The following PHRF1 variants were observed in gnomAD, a reference collection of about 807,000 sequenced individuals.
The protein encoded by PHRF1 is PHD and ring finger domains 1.
Under a neutral mutation model 128.9 loss-of-function variants are expected in PHRF1, and 53 were observed. The ratio of observed to expected loss-of-function variants is 0.41; its 90% CI spans 0.33 to 0.52. PHRF1 has a LOEUF of 0.52. PHRF1 is among the 20% of genes least tolerant of loss of function. The pLI is 0.21. For synonymous variants in PHRF1, 1,178 were observed against 980.6 expected, an observed-to-expected ratio of 1.20 and a Z score of -3.76; for missense variants, 2,503 against 2,284.5, an observed-to-expected ratio of 1.10 and a Z score of -1.95.
chr11:584,907 T>G (rs1854437537), intron 3 of PHRF1, among the ~76,000 whole-genome samples: 1 of 151,968 alleles, frequency 6.6e-6, no homozygotes, highest in Non-Finnish European at 1.5e-5. Context: ...CTGGGTAATT[T>G]TTGTATTGTT....
At chr11:591,035 A>T (rs1010603442) in intron 4 of PHRF1, among the ~76,000 whole-genome samples, 4 of 152,214 alleles carry the variant, frequency 2.6e-5, no homozygotes, top group Admixed American at 2.0e-4. Context: ...TTACTAGTGA[A>T]TGTCCAACAA....
chr11:610,919 C>T (rs934465895), intron 16 of PHRF1, 35 bp from the exon 17 acceptor site: 1 of 1,606,692 alleles, frequency 6.2e-7, no homozygotes, highest in Non-Finnish European at 8.5e-7. Context: ...CTCCCGGCTC[C>T]CTTCCTGGCC....
chr11:605,016 A>T, intron 10 of PHRF1, 103 bp from the exon 11 acceptor site: 1 of 1,188,264 alleles, frequency 8.4e-7, no homozygotes, highest in Non-Finnish European at 1.2e-6. Flanking sequence ...TTCCGGCTCT[A>T]GTGTTCACTG....
chr11:610,922 T>C (rs373232131), intron 16 of PHRF1, 32 bp from the exon 17 acceptor site: 1 of 1,608,356 alleles, frequency 6.2e-7, no homozygotes, highest in Admixed American at 1.7e-5. Flanking sequence ...CCGGCTCCCT[T>C]CCTGGCCGCA....
chr11:608,650 C>T lies in PHRF1; in HGVS notation c.3194C>T (p.Ala1065Val), dbSNP rs1271438633. 9.3e-6 allele frequency: 15 copies of T among 1,612,374 alleles called. No individual in the cohort carries two copies. Among genetic ancestry groups the T allele is most frequent in the Non-Finnish European group, 1.3e-5 (15 of 1,179,800 alleles). Residue 1065 changes from alanine to valine, a missense_variant, in exon 14 of 18, where the codon GCT (alanine) becomes GTT (valine). Physicochemically the swap from Ala to Val is moderately conservative, Grantham distance 64. Transcript: ENST00000264555. The part of the protein sequence containing the change: ...SSDRSSSRER[A>V]KRKKAKDKSR... ...GACCGCTCCAGCAGCCGAGAGCGAG[C>T]TAAGAGGAAGAAAGCCAAGGACAAG...
At chr11:594,140 C>T (rs1427368038) in intron 6 of PHRF1, among the ~76,000 whole-genome samples, 1 of 152,222 alleles carries the variant, frequency 6.6e-6, no homozygotes, top group Non-Finnish European at 1.5e-5. Context: ...GGTGGCTCAG[C>T]ACTCCATGCC....
chr11:580,097 C>A (rs1459891555), intron 1 of PHRF1, among the ~76,000 whole-genome samples: 1 of 152,176 alleles, frequency 6.6e-6, no homozygotes, highest in Admixed American at 6.5e-5. Flanking sequence ...TTCCTCTGAT[C>A]ATGGATGGAG....
chr11:582,804 G>A (rs192947568), intron 3 of PHRF1, among the ~76,000 whole-genome samples: 14 of 151,938 alleles, frequency 9.2e-5, no homozygotes, highest in Admixed American at 2.0e-4. Context: ...GATTACAGGC[G>A]TGAGCCACCG....
At chr11:596,241 G>T (rs368164827) in intron 6 of PHRF1, among the ~76,000 whole-genome samples, 1 of 152,162 alleles carries the variant, frequency 6.6e-6, no homozygotes, top group African/African-American at 2.4e-5. Flanking sequence ...ATAGACTCCC[G>T]AGCCTCGGCT....
Position 611,773 on chromosome 11 carries a change from G to A in PHRF1, c.4946G>A (p.Gly1649Asp), listed in dbSNP as rs1856421251. 2.5e-6 allele frequency: 4 copies of A among 1,601,324 alleles called. No homozygotes were observed. The South Asian group carries it at 4.4e-5, about 18-fold the overall frequency. Residue 1649 changes from glycine (G) to aspartate (D), a missense_variant, in exon 18 of 18, where the codon GGC becomes GAC. By Grantham distance (94) the Gly-to-Asp change is moderately conservative (BLOSUM62 -1). Transcript: ENST00000264555. The part of the protein sequence containing the change: ...GEEPPTQGAE[G>D] ...GAGCCGCCCACGCAGGGGGCCGAGG[G>A]CTGAGGCCAGGCAATCACGGGCTAT...
rs1454788619 is a variant in PHRF1, at chr11:597,470, C to A, written c.794C>A (p.Pro265His). The A allele has an allele frequency of 6.2e-7, 1 of 1,612,776 alleles. No homozygotes were observed. The highest frequency in any genetic ancestry group is 2.2e-5 in the East Asian group (1 of 44,860). Residue 265 changes from proline (P) to histidine (H), a missense_variant, in exon 8 of 18, where the codon CCT (proline) becomes CAT (histidine). Transcript: ENST00000264555. This position sits in a 1 kb window ranked among gnomAD's most constrained non-coding sequence, Gnocchi z 6.5. Reference sequence around the variant, plus strand: ...GTGCCCACCACCAGCAGGCTTCGGCCTCGAGCAGGTAGGACCCGGGCGATA... The same window carrying A: ...GTGCCCACCACCAGCAGGCTTCGGCATCGAGCAGGTAGGACCCGGGCGATA... The part of the protein sequence containing the change: ...DVVPTTSRLR[P>H]RAGRTRAIAR...
At chr11:604,806 G>T (rs896016778) in intron 10 of PHRF1, among the ~76,000 whole-genome samples, 1 of 152,130 alleles carries the variant, frequency 6.6e-6, no homozygotes, top group Non-Finnish European at 1.5e-5. Flanking sequence ...GCCATCAAGG[G>T]GTTTTACTGT....
rs1338668868 is a variant in PHRF1 at position 608,563 on chromosome 11, CAGT to C, written c.3108_3110del (p.Val1037del). On this transcript the variant is annotated inframe_deletion, in exon 14 of 18. Coordinates refer to ENST00000264555, the MANE Select transcript of PHRF1 (RefSeq NM_001286581.2). ...AGGAGCTCGAGGTCAGCGTCACCAT[CAGT>C]GGGTGAGGAGCGCCCCAGGAGGCAG... 6.2e-7 allele frequency: 1 copy of C among 1,612,334 alleles called. No homozygotes were observed. The highest frequency in any genetic ancestry group is 1.3e-5 in the African/African-American group (1 of 75,050).
intron 13 of PHRF1, 65 bp downstream of exon 13, chr11:606,661 C>G: frequency 6.6e-7 from 1 of 1,517,014 alleles, no homozygotes; most frequent in Non-Finnish European, 8.8e-7. Context: ...TGTTCGCAAG[C>G]ACTCAGCCCA....
chr11:591,110 G>T (rs1257840295), intron 4 of PHRF1, among the ~76,000 whole-genome samples: 1 of 152,146 alleles, frequency 6.6e-6, no homozygotes, highest in Admixed American at 6.5e-5. Context: ...GCACAATGCC[G>T]CCCCCACGCC....
At chr11:585,474 T>A (rs71283532) in intron 3 of PHRF1, among the ~76,000 whole-genome samples, 194 of 57,678 alleles carry the variant, frequency 3.4e-3, no homozygotes, top group Middle Eastern at 0.012. Context: ...CCTTTCCAGC[T>A]TGAGGTAGTA....
intron 4 of PHRF1, 145 bp from the exon 5 acceptor site, chr11:591,239 C>G: frequency 1.4e-6 from 1 of 733,656 alleles, no homozygotes; most frequent in Non-Finnish European, 2.3e-6. Context: ...GCTGTGCTCC[C>G]TCCACTGCCG....
Position 605,241 on chromosome 11 carries a change from T to C in PHRF1, c.1275T>C (p.Asp425=), listed in dbSNP as rs1370688062. ...VEPSLGLLRA[D]IGAASLSLFG... ...CCTCTTTGGGGCTGCTGAGAGCGGA[T>C]ATTGGAGCTGCCTCTCTGTCTCTGT... The change falls in exon 11 of 18, where the codon GAT becomes GAC. Residue 425 remains aspartate, a synonymous_variant. Coordinates refer to ENST00000264555, the MANE Select transcript of PHRF1 (RefSeq NM_001286581.2). 11 of 1,613,434 alleles carry C rather than the reference T, an allele frequency of 6.8e-6. No individual in the cohort carries two copies. Among genetic ancestry groups the C allele is most frequent in the Admixed American group, 1.7e-5 (1 of 60,016 alleles).
At position 611,726 on chromosome 11, in the gene PHRF1, C is replaced by T. The variant is rs769155486; in HGVS notation, c.4899C>T (p.His1633=). The T allele has an allele frequency of 5.0e-6, 8 of 1,612,758 alleles. No homozygotes were observed. The highest frequency in any genetic ancestry group is 6.8e-6 in the Non-Finnish European group (8 of 1,179,802). ...YVDKYRHMRR[H]KKPEAGEEPP... ...ACAAGTACAGGCACATGCGCAGGCA[C>T]AAGAAACCAGAGGCCGGGGAGGAGC... The change falls in exon 18 of 18, where the codon CAC becomes CAT. Residue 1633 remains histidine (H), a synonymous_variant. Coordinates refer to ENST00000264555, the MANE Select transcript of PHRF1 (RefSeq NM_001286581.2).
Sources: allele counts gnomAD v4.1 joint callset (sites outside exome capture counted in the v4.1 genomes callset), GRCh38; gene constraint gnomAD v4.1.1; non-coding constraint Gnocchi (gnomAD v3.1); transcripts MANE v1.5; gene names NCBI Gene and HGNC (gene_info 2026-07-23, HGNC 2026-07-21).